OSBPL9: variants seen among roughly 807,000 people sequenced by gnomAD.
OSBPL9 encodes the protein oxysterol binding protein like 9, also known as oxysterol-binding protein-related protein 9.
Under a neutral mutation model 106.6 loss-of-function variants are expected in OSBPL9, and 40 were observed. The ratio of observed to expected loss-of-function variants is 0.38; its 90% confidence interval spans 0.29 to 0.49. The LOEUF (loss-of-function observed/expected upper bound fraction) is 0.49. Among genes scored for constraint, OSBPL9 ranks in the 20% least tolerant of loss-of-function variants. The probability of loss-of-function intolerance (pLI) is 0.97; values close to 1 mark genes in which losing one functional copy is unlikely to be tolerated. For synonymous variants in OSBPL9, 269 were observed against 295.4 expected, an observed-to-expected ratio of 0.91 and a Z score of 0.92; for missense variants, 609 against 887.2, an observed-to-expected ratio of 0.69 and a Z score of 3.98.
At chr1:51,746,603 C>CT (rs1668027828) in intron 5 of OSBPL9, 107 bp from the exon 6 acceptor site, 1 of 773,596 alleles carries the variant, frequency 1.3e-6, no homozygotes, top group Non-Finnish European at 2.1e-6. Context: ...TAAATCATCC[C>CT]TGGACAAAAT....
At chr1:51,670,732 A>G (rs1473153828) in intron 3 of OSBPL9, among the ~76,000 whole-genome samples, 1 of 152,254 alleles carries the variant, frequency 6.6e-6, no homozygotes, top group Non-Finnish European at 1.5e-5. Flanking sequence ...TTTCTACTAT[A>G]TTTAACTTCA....
intron 12 of OSBPL9, 116 bp from the exon 13 acceptor site, chr1:51,771,954 A>G (rs908156613): frequency 1.3e-5 from 9 of 688,026 alleles, no homozygotes; most frequent in African/African-American, 1.1e-4. Context: ...CTTGTCATCA[A>G]GAGAATTCTA....
the OSBPL9 span, among the ~76,000 whole-genome samples, chr1:51,545,533 C>G: frequency 1.3e-5 from 2 of 152,176 alleles, no homozygotes; most frequent in Non-Finnish European, 2.9e-5. Flanking sequence ...AATCCCAGTG[C>G]TTTGGGAGGC....
At chr1:51,719,209 A>C (rs1051005376) in intron 4 of OSBPL9, among the ~76,000 whole-genome samples, 1 of 152,220 alleles carries the variant, frequency 6.6e-6, no homozygotes, top group Non-Finnish European at 1.5e-5. Flanking sequence ...GAAGATAACT[A>C]AGATCTTCTT....
intron 1 of OSBPL9, among the ~76,000 whole-genome samples, chr1:51,645,887 A>T (rs1646123724): frequency 1.3e-5 from 2 of 151,718 alleles, no homozygotes; most frequent in Non-Finnish European, 1.5e-5. Context: ...CCTATTGGAT[A>T]GTCTTGGCAC....
chr1:51,581,250 T>A (rs1303617362), intron 1 of OSBPL9, among the ~76,000 whole-genome samples: 1 of 151,908 alleles, frequency 6.6e-6, no homozygotes, highest in African/African-American at 2.4e-5. Context: ...GGAATTGGTC[T>A]GATGTTTTTC....
At chr1:51,587,613 G>A (rs1305369775) in intron 1 of OSBPL9, among the ~76,000 whole-genome samples, 1 of 152,142 alleles carries the variant, frequency 6.6e-6, no homozygotes, top group South Asian at 2.1e-4. Flanking sequence ...CAGGTACAGG[G>A]GTTGTAAAGT....
At chr1:51,746,630 G>A (rs1668033612) in intron 5 of OSBPL9, 80 bp from the exon 6 acceptor site, 5 of 1,005,632 alleles carry the variant, frequency 5.0e-6, no homozygotes, top group African/African-American at 4.9e-5. Context: ...AAGAACAAAT[G>A]TTTGTTTTTC....
At chr1:51,555,916 T>G in the OSBPL9 span, among the ~76,000 whole-genome samples, 78 of 152,334 alleles carry the variant, frequency 5.1e-4, no homozygotes, top group East Asian at 0.015. Context: ...TCTATTTTTT[T>G]AAAATAACAT....
chr1:51,644,242 C>T (rs1444582570), intron 1 of OSBPL9, among the ~76,000 whole-genome samples: 2 of 151,988 alleles, frequency 1.3e-5, no homozygotes, highest in Non-Finnish European at 2.9e-5. Context: ...GATTTGAGAG[C>T]TTTTATGAGA....
At chr1:51,751,637 A>G (rs1010575569) in intron 8 of OSBPL9, among the ~76,000 whole-genome samples, 3 of 152,172 alleles carry the variant, frequency 2.0e-5, no homozygotes, top group Non-Finnish European at 4.4e-5. Flanking sequence ...AAACCACACC[A>G]TGCCCTGTTT....
chr1:51,640,680 T>G (rs771500429), intron 1 of OSBPL9, among the ~76,000 whole-genome samples: 18 of 152,194 alleles, frequency 1.2e-4, no homozygotes, highest in Non-Finnish European at 1.9e-4. Context: ...GTAAGATAAC[T>G]GGGAAAGTGG....
upstream of OSBPL9, among the ~76,000 whole-genome samples, chr1:51,616,266 C>T (rs1370465651): frequency 1.3e-5 from 2 of 151,912 alleles, no homozygotes; most frequent in Non-Finnish European, 2.9e-5. Flanking sequence ...ATAACAGGTG[C>T]GAGCCACCGC....
At chr1:51,563,919 C>A in the OSBPL9 span, among the ~76,000 whole-genome samples, 1 of 151,296 alleles carries the variant, frequency 6.6e-6, no homozygotes, top group Non-Finnish European at 1.5e-5. Flanking sequence ...ATCCCTACCC[C>A]AAAGAACTTT....
intron 16 of OSBPL9, among the ~76,000 whole-genome samples, chr1:51,781,893 A>G (rs1248008565): frequency 6.6e-6 from 1 of 152,152 alleles, no homozygotes; most frequent in Non-Finnish European, 1.5e-5. Context: ...AAAGTTTTAG[A>G]GGTCTGTGAA....
intron 1 of OSBPL9, among the ~76,000 whole-genome samples, chr1:51,641,272 T>G (rs1217527942): frequency 6.6e-6 from 1 of 152,240 alleles, no homozygotes; most frequent in Non-Finnish European, 1.5e-5. Context: ...TTGCTCTGAC[T>G]GGGGCCTCTT....
At chr1:51,596,239 A>T (rs1645298880) in intron 1 of OSBPL9, among the ~76,000 whole-genome samples, 1 of 147,258 alleles carries the variant, frequency 6.8e-6, no homozygotes, top group Non-Finnish European at 1.5e-5. Context: ...AGTCTGGGCA[A>T]CAGAGTGAGA....
intron 9 of OSBPL9, chr1:51,759,884 C>G (rs1218471803): frequency 6.6e-6 from 1 of 152,148 alleles, no homozygotes; most frequent in Non-Finnish European, 1.5e-5. Context: ...AGATGCATCT[C>G]TTTCTCTTTA....
chr1:51,550,842 G>T, the OSBPL9 span, among the ~76,000 whole-genome samples: 1 of 152,042 alleles, frequency 6.6e-6, no homozygotes, highest in African/African-American at 2.4e-5. Flanking sequence ...TAAAATCCTT[G>T]GGTGTCCTGG....
Sources: allele counts gnomAD v4.1 joint callset (sites outside exome capture counted in the v4.1 genomes callset), GRCh38; gene constraint gnomAD v4.1.1; transcripts MANE v1.5; gene names NCBI Gene and HGNC (gene_info 2026-07-23, HGNC 2026-07-21).